Variants in INPP5A observed in about 807,000 individuals in gnomAD.
INPP5A encodes the protein 43 kDa inositol polyphosphate 5-phophatase.
INPP5A carries 14 observed loss-of-function variants against 65.2 expected under a neutral mutation model. That is an observed-to-expected ratio of 0.21 (90% confidence interval 0.14 to 0.34). The LOEUF (loss-of-function observed/expected upper bound fraction) is 0.34, where lower values mean the gene tolerates loss of function less well. Among genes scored for constraint, INPP5A ranks in the 10% least tolerant of loss-of-function variants. INPP5A has a pLI of 1.00. For missense variants in INPP5A, 431 were observed against 545.6 expected (o/e 0.79, Z 2.09); for synonymous variants, 207 against 208.3 (o/e 0.99, Z 0.05).
intron 9 of INPP5A, among the ~76,000 whole-genome samples, chr10:132,737,803 T>C (rs940473982): frequency 1.3e-5 from 2 of 152,282 alleles, no homozygotes; most frequent in Non-Finnish European, 1.5e-5. Context: ...TTAATTTTTC[T>C]GTTTAGAAAG....
At chr10:132,554,312 A>G (rs2071095515) in intron 1 of INPP5A, among the ~76,000 whole-genome samples, 1 of 151,938 alleles carries the variant, frequency 6.6e-6, no homozygotes, top group Non-Finnish European at 1.5e-5. Flanking sequence ...CCAGCAGGAG[A>G]TGAGGGATTT....
chr10:132,648,775 G>T (rs2072533128), intron 3 of INPP5A, among the ~76,000 whole-genome samples: 1 of 152,148 alleles, frequency 6.6e-6, no homozygotes, highest in South Asian at 2.1e-4. Flanking sequence ...TATATAATGT[G>T]CCCTTTCCTC....
At chr10:132,689,920 G>T (rs1390624873) in intron 4 of INPP5A, among the ~76,000 whole-genome samples, 1 of 152,256 alleles carries the variant, frequency 6.6e-6, no homozygotes, top group East Asian at 1.9e-4. Flanking sequence ...ATGGTTGGAG[G>T]CCCCAGGACG....
rs74650573 is a variant in INPP5A at position 132,582,183 on chromosome 10, T to C, written c.76-25732T>C. 3.4e-3 allele frequency among the ~76,000 whole-genome samples: 512 copies of C among 152,224 alleles called. 5 individuals are homozygous for C. Among genetic ancestry groups the C allele is most frequent in the East Asian group, 4.3e-3 (22 of 5,170 alleles). On this transcript the variant is annotated intron_variant, in intron 1 of 15. Transcript: ENST00000368594. ...TTCCATGAGCAGCAGTTTTTAGTTA[T>C]GATTCTTCTATGGTTCTCGCTTTCT...
intron 4 of INPP5A, among the ~76,000 whole-genome samples, chr10:132,664,028 A>G (rs527995086): frequency 3.9e-5 from 6 of 152,360 alleles, no homozygotes; most frequent in African/African-American, 1.4e-4. Context: ...AAAATTGTAA[A>G]GCTCTTAAGG....
chr10:132,710,722 T>C lies in INPP5A; in HGVS notation c.647+266T>C, dbSNP rs373752311. Among the ~76,000 whole-genome samples the C allele has an allele frequency of 1.5e-3, 203 of 138,914 alleles. 1 individual carries two copies. Among genetic ancestry groups the C allele is most frequent in the African/African-American group, 5.2e-3 (189 of 36,294 alleles). 91.1% of individuals were successfully genotyped at this position (138,914 alleles called of 152,430 possible). A position where few individuals can be genotyped will look rare whatever the true frequency, so the allele number is the denominator to read the frequency against. ...ATGGCAGGTAGGTGTGCTGGGCAGG[T>C]AGGTGTGAGTGGAGAGGTAGGTGTG... On this transcript the variant is annotated intron_variant, in intron 8 of 15. Transcript: ENST00000368594.
At chr10:132,758,990 T>C (rs1177675248) in intron 11 of INPP5A, among the ~76,000 whole-genome samples, 1 of 152,258 alleles carries the variant, frequency 6.6e-6, no homozygotes, top group Non-Finnish European at 1.5e-5. Flanking sequence ...ATGCAAATCA[T>C]TGGTTCAGCC....
At position 132,651,933 on chromosome 10, in the gene INPP5A, G is replaced by A. The variant is rs2072582190; in HGVS notation, c.306+1428G>A. Among the ~76,000 whole-genome samples the A allele has an allele frequency of 6.6e-6, 1 of 152,132 alleles. No individual in the cohort carries two copies. ...GCGGCCTCTCCTCACGCTCTGTGGG[G>A]CACACGGGGACCACGGGGCCCCCAC... On this transcript the variant is annotated intron_variant, in intron 4 of 15. Coordinates refer to ENST00000368594, the MANE Select transcript of INPP5A (RefSeq NM_005539.5). This position sits in a 1 kb window ranked among gnomAD's most constrained non-coding sequence, Gnocchi z 5.0.
At chr10:132,633,486 A>C in intron 2 of INPP5A, among the ~76,000 whole-genome samples, 1 of 152,174 alleles carries the variant, frequency 6.6e-6, no homozygotes, top group East Asian at 1.9e-4. Context: ...AGGCCACTGC[A>C]GGTGCCCAAG....
chr10:132,539,762 C>T (rs2070886081), intron 1 of INPP5A, among the ~76,000 whole-genome samples: 1 of 151,204 alleles, frequency 6.6e-6, no homozygotes, highest in Admixed American at 6.6e-5. Context: ...CACTGATGCA[C>T]GCGTGGTTTC....
In INPP5A at chr10:132,696,644, C is replaced by T. The variant is rs185760750; in HGVS notation, c.371-1172C>T. ...GAACTGTGGAGACAGTGAAAGGATC[C>T]GTGGTGTCTAAGCTCCGAGTTTAGG... On this transcript the variant is annotated intron_variant, in intron 5 of 15. Coordinates refer to ENST00000368594, the MANE Select transcript of INPP5A (RefSeq NM_005539.5). Among the ~76,000 whole-genome samples the T allele has an allele frequency of 1.3e-3, 198 of 152,328 alleles. 1 individual carries two copies. The highest frequency in any genetic ancestry group is 4.4e-3 in the African/African-American group (184 of 41,564).
intron 8 of INPP5A, among the ~76,000 whole-genome samples, chr10:132,718,225 T>C (rs1845780857): frequency 7.1e-6 from 1 of 141,462 alleles, no homozygotes; most frequent in African/African-American, 2.7e-5. Flanking sequence ...GGTACCTGGG[T>C]TCTGTCTGGG....
chr10:132,572,327 G>T (rs574762709), intron 1 of INPP5A, among the ~76,000 whole-genome samples: 13 of 152,244 alleles, frequency 8.5e-5, no homozygotes, highest in Non-Finnish European at 1.2e-4. Context: ...TGCCCCTGGT[G>T]TGGGGCCCCT....
intron 4 of INPP5A, among the ~76,000 whole-genome samples, chr10:132,679,737 A>C (rs1447800885): frequency 4.6e-5 from 7 of 152,242 alleles, no homozygotes; most frequent in African/African-American, 1.4e-4. Flanking sequence ...TCACAGAAGA[A>C]ACTTAAATTG....
intron 9 of INPP5A, among the ~76,000 whole-genome samples, chr10:132,747,786 C>T (rs2134632998): frequency 6.6e-6 from 1 of 152,338 alleles, no homozygotes; most frequent in African/African-American, 2.4e-5. Flanking sequence ...CAGCTGCTCA[C>T]ACATGTAATC....
At chr10:132,728,413 A>G (rs948057008) in intron 9 of INPP5A, among the ~76,000 whole-genome samples, 1 of 152,140 alleles carries the variant, frequency 6.6e-6, no homozygotes, top group African/African-American at 2.4e-5. Flanking sequence ...GCTAGAATCC[A>G]TGTCCCCGCG....
At chr10:132,628,379 T>TC (rs2072216975) in intron 2 of INPP5A, among the ~76,000 whole-genome samples, 1 of 141,220 alleles carries the variant, frequency 7.1e-6, no homozygotes, top group Non-Finnish European at 1.5e-5. Flanking sequence ...GCAGCACCAT[T>TC]CAGGAAGCAC....
At position 132,644,821 on chromosome 10, in the gene INPP5A, G is replaced by A. The variant is rs2072472371; in HGVS notation, c.118-1047G>A. 6.6e-6 allele frequency among the ~76,000 whole-genome samples: 1 copy of A among 152,198 alleles called. No individual in the cohort carries two copies. The highest frequency in any genetic ancestry group is 2.4e-5 in the African/African-American group (1 of 41,446). Reference sequence around the variant, plus strand: ...CCCTCATCCTGCTCAAGTGAAATGGGGCTCCCCGACTGCCTCACATGTGTC... The same window carrying A: ...CCCTCATCCTGCTCAAGTGAAATGGAGCTCCCCGACTGCCTCACATGTGTC... On this transcript the variant is annotated intron_variant, in intron 2 of 15. Coordinates refer to ENST00000368594, the MANE Select transcript of INPP5A (RefSeq NM_005539.5). This position sits in a 1 kb window ranked among gnomAD's most constrained non-coding sequence, Gnocchi z 6.5.
chr10:132,753,484 G>A lies in INPP5A; in HGVS notation c.903+3639G>A, dbSNP rs1257488490. Among the ~76,000 whole-genome samples the A allele has an allele frequency of 1.3e-5, 2 of 152,162 alleles. No individual in the cohort carries two copies. The highest frequency in any genetic ancestry group is 6.5e-5 in the Admixed American group (1 of 15,270). ...ATTTTAAGAGTAGTAATCATTGGCC[G>A]GGACATGATTGAATGTGTCCATGCC... On this transcript the variant is annotated intron_variant, in intron 11 of 15. Transcript: ENST00000368594. This position sits in a 1 kb window ranked among gnomAD's most constrained non-coding sequence, Gnocchi z 5.3.
Sources: gnomAD v4.1 joint callset for allele counts (sites outside exome capture counted in the v4.1 genomes callset) on GRCh38, gnomAD v4.1.1 for gene constraint, Gnocchi (gnomAD v3.1) non-coding constraint, MANE v1.5 for transcripts, NCBI Gene and HGNC (gene_info 2026-07-23, HGNC 2026-07-21) for gene names.